Variants in CUX1 observed in about 807,000 individuals in gnomAD.
CUX1 encodes protein CASP.
In CUX1, 31 loss-of-function variants were observed where a neutral mutation model predicts 158.8. The observed-to-expected ratio is 0.20, with a 90% CI of 0.15 to 0.26. The LOEUF is 0.26. Among genes scored for constraint, CUX1 ranks in the 10% least tolerant of loss-of-function variants. The pLI, the probability that CUX1 is intolerant of heterozygous loss-of-function variation, is 1.00. For missense variants in CUX1, 1,589 were observed against 2,014.6 expected (o/e 0.79, Z 4.04); for synonymous variants, 879 against 862.1 (o/e 1.02, Z -0.34).
At chr7:101,862,685 G>C (rs1797586011) in intron 1 of CUX1, among the ~76,000 whole-genome samples, 2 of 152,144 alleles carry the variant, frequency 1.3e-5, no homozygotes, top group Non-Finnish European at 2.9e-5. Context: ...TAATTTGCAA[G>C]TGTGCCCTGA....
chr7:101,994,010 T>C (rs1815488605), intron 2 of CUX1, among the ~76,000 whole-genome samples: 1 of 152,180 alleles, frequency 6.6e-6, no homozygotes, highest in Non-Finnish European at 1.5e-5. Context: ...AGAGCCCATC[T>C]GTCTCCACAC....
At chr7:102,162,362 G>C (rs568123954) in intron 9 of CUX1, among the ~76,000 whole-genome samples, 5 of 152,124 alleles carry the variant, frequency 3.3e-5, no homozygotes, top group African/African-American at 1.2e-4. Context: ...CAACCTCCCC[G>C]TCCTGGGTTC....
At chr7:102,052,137 C>T (rs1216436008) in intron 3 of CUX1, among the ~76,000 whole-genome samples, 3 of 151,808 alleles carry the variant, frequency 2.0e-5, no homozygotes, top group Non-Finnish European at 4.4e-5. Context: ...AGGAGAATCA[C>T]TTGAACCTGG....
intron 3 of CUX1, among the ~76,000 whole-genome samples, chr7:102,036,956 T>C (rs960745502): frequency 2.0e-5 from 3 of 152,210 alleles, no homozygotes; most frequent in African/African-American, 7.2e-5. Context: ...TTTGGGAGGC[T>C]GAAGCAAGCA....
intron 8 of CUX1, among the ~76,000 whole-genome samples, chr7:102,122,651 A>G (rs1311343617): frequency 2.0e-5 from 3 of 152,228 alleles, no homozygotes; most frequent in Non-Finnish European, 4.4e-5. Flanking sequence ...AAGTCCAGGT[A>G]GAAATTCCTC....
In CUX1 at chr7:102,202,100, T is replaced by A; in HGVS notation, c.2803T>A (p.Tyr935Asn). The A allele has an allele frequency of 6.2e-7, 1 of 1,613,976 alleles. No homozygotes were observed. Among genetic ancestry groups the A allele is most frequent in the Non-Finnish European group, 8.5e-7 (1 of 1,179,994 alleles). The change falls in exon 18 of 24, where the codon TAC (tyrosine) becomes AAC (asparagine). Residue 935 changes from tyrosine to asparagine, a missense_variant. Physicochemically the swap from Tyr to Asn is moderately radical, Grantham distance 143 (BLOSUM62 -2). Around this residue, in one of 8 missense-constraint regions of CUX1, gnomAD observed 337 missense variants for 409.3 expected, o/e 0.82. Transcript: ENST00000292535. ...GGTCCCCCCGCTGACCCCCGAGCAG[T>A]ACGAGGTCTACATGTACCAGGAGGT... Reference protein sequence around the residue: ...PSVPPLTPEQYEVYMYQEVDT... With the variant: ...PSVPPLTPEQNEVYMYQEVDT...
intron 9 of CUX1, among the ~76,000 whole-genome samples, chr7:102,169,510 A>C (rs1791479303): frequency 6.6e-6 from 1 of 152,200 alleles, no homozygotes; most frequent in South Asian, 2.1e-4. Context: ...CCTCAGTCCT[A>C]AGTATTAAGC....
chr7:102,259,125 C>A (rs1470619478), downstream of CUX1, among the ~76,000 whole-genome samples: 1 of 152,220 alleles, frequency 6.6e-6, no homozygotes, highest in Non-Finnish European at 1.5e-5. Context: ...CCCAATTCAA[C>A]TGGATTCAAT....
intron 1 of CUX1, among the ~76,000 whole-genome samples, chr7:101,845,652 C>T (rs908443072): frequency 1.3e-5 from 2 of 152,232 alleles, no homozygotes; most frequent in African/African-American, 4.8e-5. Flanking sequence ...AGTGCTGTTC[C>T]GATTTAGCCC....
chr7:102,108,736 TTG>T (rs10527026), intron 6 of CUX1, among the ~76,000 whole-genome samples: 28,703 of 144,730 alleles, frequency 0.2, 3,008 homozygotes, highest in Non-Finnish European at 0.25. Context: ...TTCATTCATT[TTG>T]TGTGTGTGTG....
chr7:102,137,268 A>C (rs750022401), intron 8 of CUX1, among the ~76,000 whole-genome samples: 1 of 152,222 alleles, frequency 6.6e-6, no homozygotes, highest in Non-Finnish European at 1.5e-5. Context: ...AAAGCCCCGC[A>C]ACTGTGTTAG....
downstream of CUX1, among the ~76,000 whole-genome samples, chr7:102,258,507 AG>A (rs1313354727): frequency 1.3e-5 from 2 of 152,214 alleles, no homozygotes; most frequent in Admixed American, 6.5e-5. Flanking sequence ...TGTTGTCACC[AG>A]CACTGTTTGC....
chr7:102,175,062 C>T (rs1432347119), intron 10 of CUX1, among the ~76,000 whole-genome samples: 1 of 152,236 alleles, frequency 6.6e-6, no homozygotes, highest in Non-Finnish European at 1.5e-5. Context: ...TGCGAGACAG[C>T]GATGATTTTT....
At chr7:101,940,529 C>T (rs1251648351) in intron 2 of CUX1, among the ~76,000 whole-genome samples, 3 of 152,066 alleles carry the variant, frequency 2.0e-5, no homozygotes, top group Admixed American at 6.5e-5. Flanking sequence ...GAATTAAAGA[C>T]GCTCTTCTAG....
At chr7:102,013,020 G>T (rs539800100) in intron 2 of CUX1, among the ~76,000 whole-genome samples, 1 of 152,030 alleles carries the variant, frequency 6.6e-6, no homozygotes, top group South Asian at 2.1e-4. Context: ...AATCCTTACG[G>T]CCCTGTGGTG....
rs567645339 is a variant in CUX1 at position 101,834,747 on chromosome 7, C to G, written c.30+17078C>G. Among the ~76,000 whole-genome samples, 346 of 152,094 alleles carry G rather than the reference C, an allele frequency of 2.3e-3. 1 individual carries two copies. Among genetic ancestry groups the G allele is most frequent in the Non-Finnish European group, 3.9e-3 (266 of 68,004 alleles). ...TAAAATTCTGGCCAGGCCTGTAATC[C>G]CAGCACTTTGGGATGCTGAAGCGGG... On this transcript the variant is annotated intron_variant, in intron 1 of 23. Coordinates refer to ENST00000292535, the MANE Select transcript of CUX1 (RefSeq NM_181552.4).
rs1554540936 is a variant in CUX1, at chr7:102,253,632, G to A, written c.*4590G>A. 2 of 985,274 alleles carry A rather than the reference G, an allele frequency of 2.0e-6. No homozygotes were observed. Among genetic ancestry groups the A allele is most frequent in the African/African-American group, 3.5e-5 (2 of 57,204 alleles). 61.0% of individuals were successfully genotyped at this position (985,274 alleles called of 1,614,324 possible). A position where few individuals can be genotyped will look rare whatever the true frequency, so the allele number is the denominator to read the frequency against. On this transcript the variant is annotated 3_prime_UTR_variant, in exon 24 of 24. Transcript: ENST00000292535. ...GGGGAACAGACGCATGTCCTTCTGG[G>A]AGTCACACAAAAGCAGAGAGATTTT...
At chr7:101,821,420 A>G (rs574396936) in intron 1 of CUX1, among the ~76,000 whole-genome samples, 17 of 150,324 alleles carry the variant, frequency 1.1e-4, no homozygotes, top group East Asian at 3.9e-4. Context: ...CTCACTGCAA[A>G]CTCCGCCTCC....
chr7:102,019,264 G>T (rs1819058319), intron 2 of CUX1, among the ~76,000 whole-genome samples: 1 of 149,886 alleles, frequency 6.7e-6, no homozygotes, highest in African/African-American at 2.5e-5. Flanking sequence ...GTCTCATTCT[G>T]TTGCCCAGGC....
Sources: allele counts gnomAD v4.1 joint callset (sites outside exome capture counted in the v4.1 genomes callset), GRCh38; gene constraint gnomAD v4.1.1; regional missense constraint gnomAD v4.1.1; transcripts MANE v1.5; gene names NCBI Gene and HGNC (gene_info 2026-07-23, HGNC 2026-07-21).